Variants in PLCB1 observed in about 807,000 individuals in gnomAD.
The protein encoded by PLCB1 is phospholipase C beta 1.
A neutral mutation model predicts 161.8 loss-of-function variants in PLCB1; 46 were observed. The ratio of observed to expected loss-of-function variants is 0.28; its 90% CI spans 0.22 to 0.36. The LOEUF is 0.36. Among genes scored for constraint, PLCB1 ranks in the 10% least tolerant of loss-of-function variants. PLCB1 has a pLI of 1.00. For synonymous variants in PLCB1, 517 were observed against 503.7 expected (o/e 1.03, Z -0.35); for missense variants, 1,016 against 1,472.5 (o/e 0.69, Z 5.07).
intron 31 of PLCB1, among the ~76,000 whole-genome samples, chr20:8,793,858 G>T (rs1346833454): frequency 6.6e-6 from 1 of 152,204 alleles, no homozygotes; most frequent in African/African-American, 2.4e-5. Context: ...CACTATGGGA[G>T]ACTGGAGTCT....
chr20:8,298,784 A>G (rs1983754812), intron 2 of PLCB1, among the ~76,000 whole-genome samples: 1 of 152,174 alleles, frequency 6.6e-6, no homozygotes, highest in African/African-American at 2.4e-5. Context: ...CTTCTATTCA[A>G]ATCTCTGATG....
At chr20:8,281,832 G>T (rs959779782) in intron 2 of PLCB1, among the ~76,000 whole-genome samples, 1 of 151,992 alleles carries the variant, frequency 6.6e-6, no homozygotes, top group Non-Finnish European at 1.5e-5. Flanking sequence ...AACAGGGATT[G>T]TTCTAAATGC....
intron 12 of PLCB1, 76 bp downstream of exon 12, chr20:8,708,828 G>T (rs1978836164): frequency 1.1e-6 from 1 of 882,704 alleles, no homozygotes; most frequent in African/African-American, 1.7e-5. Flanking sequence ...TCAGATTTAA[G>T]ATTATTTGAC....
At chr20:8,402,868 A>T (rs926605328) in intron 3 of PLCB1, among the ~76,000 whole-genome samples, 2 of 152,172 alleles carry the variant, frequency 1.3e-5, no homozygotes. Context: ...AAAAATTTAA[A>T]AAAAGTTTTC....
In PLCB1 at chr20:8,651,551, A is replaced by G; in HGVS notation, c.594+2102A>G. 3 of 714,466 alleles carry G rather than the reference A, an allele frequency of 4.2e-6. No individual in the cohort carries two copies. In the South Asian group the frequency reaches 4.4e-5, roughly 11 times the overall value. The allele number at this position is 714,466 out of a possible 1,614,324, so 44.3% of individuals were successfully genotyped here. On this transcript the variant is annotated intron_variant, in intron 7 of 31. Coordinates refer to ENST00000338037, the MANE Select transcript of PLCB1 (RefSeq NM_015192.4). ...TTGCTTTTTTGTTAGATGCTTTGGA[A>G]TAGGAAAAATATAACAATTAAGGTC...
rs1018486158 is a variant in PLCB1, at chr20:8,697,865, C to T, written c.1167+82C>T. 6 of 1,265,040 alleles carry T rather than the reference C, an allele frequency of 4.7e-6. No homozygotes were observed. In the African/African-American group the frequency reaches 7.3e-5, roughly 15 times the overall value. 78.4% of individuals were successfully genotyped at this position (1,265,040 alleles called of 1,614,324 possible). A position where few individuals can be genotyped will look rare whatever the true frequency, so the allele number is the denominator to read the frequency against. The stretch of plus-strand genomic sequence containing the variant: ...TTAAAGCCTCCTAAGGTAGAAAGTC[C>T]CAGTGGTCACAATTAAGTCCAAAGG... On this transcript the variant is annotated intron_variant, in intron 11 of 31. Coordinates refer to ENST00000338037, the MANE Select transcript of PLCB1 (RefSeq NM_015192.4).
At chr20:8,249,188 C>T (rs541543905) in intron 2 of PLCB1, among the ~76,000 whole-genome samples, 23 of 151,884 alleles carry the variant, frequency 1.5e-4, no homozygotes, top group Non-Finnish European at 2.1e-4. Context: ...TCCAAGTGTT[C>T]GATTTACATA....
intron 27 of PLCB1, among the ~76,000 whole-genome samples, chr20:8,776,632 C>G (rs182198336): frequency 2.5e-4 from 38 of 152,276 alleles, no homozygotes; most frequent in Middle Eastern, 3.4e-3. Context: ...GCATTTTCAT[C>G]GCCTTAAAAA....
intron 2 of PLCB1, among the ~76,000 whole-genome samples, chr20:8,218,285 C>A (rs561635867): frequency 2.0e-5 from 3 of 152,056 alleles, no homozygotes; most frequent in Non-Finnish European, 4.4e-5. Context: ...TATCTAAAGG[C>A]GCTTTGGCTC....
Position 8,184,664 on chromosome 20 carries a change from G to A in PLCB1, c.177+34293G>A, listed in dbSNP as rs575307934. On this transcript the variant is annotated intron_variant, in intron 2 of 31. Transcript: ENST00000338037. ...TTGGAAATGCAAAAAGTCTTCAGTTGCATAAGAAAACCCATTCATGATAGT... is the reference window on the plus strand; with the variant it reads ...TTGGAAATGCAAAAAGTCTTCAGTTACATAAGAAAACCCATTCATGATAGT... Among the ~76,000 whole-genome samples, 3 of 151,624 alleles carry A rather than the reference G, an allele frequency of 2.0e-5. No homozygotes were observed. In the East Asian group the frequency reaches 5.8e-4, roughly 29 times the overall value.
chr20:8,572,930 A>G (rs1224160266), intron 3 of PLCB1, among the ~76,000 whole-genome samples: 1 of 152,098 alleles, frequency 6.6e-6, no homozygotes, highest in African/African-American at 2.4e-5. Context: ...GGGAATTATT[A>G]GTATTTATAT....
chr20:8,219,989 C>G (rs904259233), intron 2 of PLCB1, among the ~76,000 whole-genome samples: 2 of 152,080 alleles, frequency 1.3e-5, no homozygotes, highest in East Asian at 3.9e-4. Context: ...TTAACTAAAA[C>G]AATGCCTGGC....
At chr20:8,744,506 C>G (rs542663391) in intron 23 of PLCB1, among the ~76,000 whole-genome samples, 44 of 151,752 alleles carry the variant, frequency 2.9e-4, no homozygotes, top group Non-Finnish European at 5.0e-4. Flanking sequence ...TACTCGGGAG[C>G]CTGAGGCAGG....
intron 19 of PLCB1, among the ~76,000 whole-genome samples, chr20:8,733,784 TATA>T (rs199683575): frequency 0.15 from 20,388 of 139,002 alleles, 1,540 homozygotes; most frequent in Middle Eastern, 0.21. Context: ...AAACTTAAAG[TATA>T]ATAATAATAA....
intron 2 of PLCB1, among the ~76,000 whole-genome samples, chr20:8,210,840 C>G (rs1208336752): frequency 6.6e-6 from 1 of 152,092 alleles, no homozygotes; most frequent in Non-Finnish European, 1.5e-5. Context: ...CTGCAATGAT[C>G]TTCATTTCAT....
intron 25 of PLCB1, among the ~76,000 whole-genome samples, chr20:8,764,367 A>G (rs1184561872): frequency 2.0e-5 from 3 of 152,204 alleles, no homozygotes; most frequent in Non-Finnish European, 2.9e-5. Context: ...GAACCTGCAC[A>G]GTTATTTTCT....
chr20:8,523,179 T>G (rs1984418429), intron 3 of PLCB1, among the ~76,000 whole-genome samples: 3 of 151,876 alleles, frequency 2.0e-5, no homozygotes, highest in African/African-American at 7.3e-5. Flanking sequence ...CCTGCTGCCT[T>G]TATTCATCCA....
At chr20:8,553,690 C>T (rs1985848043) in intron 3 of PLCB1, among the ~76,000 whole-genome samples, 1 of 152,012 alleles carries the variant, frequency 6.6e-6, no homozygotes, top group South Asian at 2.1e-4. Flanking sequence ...AAAACATTAT[C>T]ATTAGGAGCC....
At chr20:8,564,393 C>A (rs1156430064) in intron 3 of PLCB1, among the ~76,000 whole-genome samples, 1 of 152,094 alleles carries the variant, frequency 6.6e-6, no homozygotes, top group African/African-American at 2.4e-5. Context: ...TAGAAGAAAA[C>A]CTAGGCAATA....
Sources: gnomAD v4.1 joint callset for allele counts (sites outside exome capture counted in the v4.1 genomes callset) on GRCh38, gnomAD v4.1.1 for gene constraint, MANE v1.5 for transcripts, NCBI Gene and HGNC (gene_info 2026-07-23, HGNC 2026-07-21) for gene names.